The following PTPN4 variants were observed in gnomAD, a reference collection of about 807,000 sequenced individuals.
PTPN4 encodes the protein tyrosine-protein phosphatase non-receptor type 4.
Under a neutral mutation model 135.5 loss-of-function variants are expected in PTPN4, and 49 were observed. The observed-to-expected ratio is 0.36, with a 90% CI of 0.29 to 0.46. PTPN4 has a LOEUF of 0.46. PTPN4 is among the 20% of genes least tolerant of loss of function. The probability of loss-of-function intolerance (pLI) is 1.00; values close to 1 mark genes in which losing one functional copy is unlikely to be tolerated. For synonymous variants in PTPN4, 333 were observed against 369.9 expected, an observed-to-expected ratio of 0.90 and a Z score of 1.14; for missense variants, 860 against 1,101.0, an observed-to-expected ratio of 0.78 and a Z score of 3.10.
chr2:119,939,170 G>A (rs1285090698), intron 15 of PTPN4, among the ~76,000 whole-genome samples: 1 of 152,156 alleles, frequency 6.6e-6, no homozygotes, highest in African/African-American at 2.4e-5. Flanking sequence ...ATTATCAACA[G>A]TTTGTCTGGA....
chr2:119,894,537 TACAA>T (rs1016837641), intron 9 of PTPN4, among the ~76,000 whole-genome samples: 9 of 152,234 alleles, frequency 5.9e-5, no homozygotes, highest in Non-Finnish European at 2.9e-5. Context: ...ATATAAAGCA[TACAA>T]ACATTTTTTT....
chr2:119,958,931 T>G (rs1367737907), intron 22 of PTPN4, among the ~76,000 whole-genome samples: 3 of 152,150 alleles, frequency 2.0e-5, no homozygotes, highest in Non-Finnish European at 4.4e-5. Context: ...GGGTCAGTTT[T>G]AAACAGCAAA....
At chr2:119,820,850 T>C (rs1483309128) in intron 2 of PTPN4, among the ~76,000 whole-genome samples, 2 of 131,068 alleles carry the variant, frequency 1.5e-5, no homozygotes, top group African/African-American at 5.7e-5. Context: ...ATGTATACTT[T>C]ACATATATAT....
chr2:119,838,940 T>G (rs975987819), intron 2 of PTPN4, among the ~76,000 whole-genome samples: 2 of 152,224 alleles, frequency 1.3e-5, no homozygotes, highest in African/African-American at 2.4e-5. Context: ...CAATTACATT[T>G]ATCTCTCTTT....
chr2:119,787,408 ATTC>A (rs1279940101), intron 1 of PTPN4, among the ~76,000 whole-genome samples: 5 of 152,186 alleles, frequency 3.3e-5, no homozygotes, highest in African/African-American at 1.2e-4. Context: ...TTTAAGTAGT[ATTC>A]TTATTAATAT....
intron 13 of PTPN4, among the ~76,000 whole-genome samples, chr2:119,931,538 A>G (rs1678908052): frequency 6.9e-6 from 1 of 144,210 alleles, no homozygotes; most frequent in South Asian, 2.1e-4. Context: ...AAATTCCTGG[A>G]CTCAAGTTGA....
At chr2:119,835,756 A>T (rs1481993717) in intron 2 of PTPN4, among the ~76,000 whole-genome samples, 1 of 152,060 alleles carries the variant, frequency 6.6e-6, no homozygotes, top group Non-Finnish European at 1.5e-5. Flanking sequence ...GTCCATCTTC[A>T]GGAGAGCATC....
chr2:119,933,002 A>G (rs970097564), intron 14 of PTPN4, among the ~76,000 whole-genome samples: 1 of 152,168 alleles, frequency 6.6e-6, no homozygotes, highest in African/African-American at 2.4e-5. Flanking sequence ...TCTATGGCCT[A>G]GGAAAAGGGG....
chr2:119,858,811 T>G (rs112742773), intron 2 of PTPN4, among the ~76,000 whole-genome samples: 2 of 152,132 alleles, frequency 1.3e-5, no homozygotes, highest in African/African-American at 4.8e-5. Context: ...TTTTTATATT[T>G]TTTTAGTAGA....
intron 15 of PTPN4, among the ~76,000 whole-genome samples, chr2:119,944,798 AT>A (rs142868164): frequency 0.021 from 3,158 of 152,218 alleles, 60 homozygotes; most frequent in Non-Finnish European, 0.033. Flanking sequence ...CCTTAAAAAA[AT>A]TTTTTTGGAA....
At chr2:119,876,943 G>GCA (rs1162990252) in intron 3 of PTPN4, among the ~76,000 whole-genome samples, 9 of 149,980 alleles carry the variant, frequency 6.0e-5, no homozygotes, top group African/African-American at 1.7e-4. Context: ...GTGTGTGTGC[G>GCA]TGAAGGGTGA....
intron 1 of PTPN4, among the ~76,000 whole-genome samples, chr2:119,785,355 ACTC>A (rs1211728277): frequency 1.3e-5 from 2 of 151,746 alleles, no homozygotes; most frequent in East Asian, 3.9e-4. Context: ...TTTTTTAAAA[ACTC>A]CTCAAGTGAT....
chr2:119,958,126 A>G (rs1679314671), intron 22 of PTPN4, among the ~76,000 whole-genome samples: 1 of 152,076 alleles, frequency 6.6e-6, no homozygotes, highest in African/African-American at 2.4e-5. Flanking sequence ...AAGAAAAGTA[A>G]GCCTCGGCAA....
In PTPN4 at chr2:119,814,412, G is replaced by A. The variant is rs541613842; in HGVS notation, c.138+4421G>A. Among the ~76,000 whole-genome samples the A allele has an allele frequency of 2.3e-4, 35 of 152,292 alleles. 1 individual carries two copies. The highest frequency in any genetic ancestry group is 1.7e-3 in the Admixed American group (26 of 15,294). On this transcript the variant is annotated intron_variant, in intron 2 of 26. Coordinates refer to ENST00000263708, the MANE Select transcript of PTPN4 (RefSeq NM_002830.4). ...TCTCCAGTTCCTATGGTGATTGGCTGTAGGGGAGGGGAAGTGAGAGAAGTC... is the reference window on the plus strand; with the variant it reads ...TCTCCAGTTCCTATGGTGATTGGCTATAGGGGAGGGGAAGTGAGAGAAGTC...
intron 1 of PTPN4, among the ~76,000 whole-genome samples, chr2:119,769,785 C>T (rs1051331838): frequency 5.3e-5 from 8 of 152,194 alleles, no homozygotes; most frequent in Non-Finnish European, 8.8e-5. Flanking sequence ...ATTAGCAACA[C>T]CTACTATCAA....
At position 119,870,128 on chromosome 2, in the gene PTPN4, T is replaced by G. The variant is rs138880526; in HGVS notation, c.247-7195T>G. 1.2e-3 allele frequency among the ~76,000 whole-genome samples: 186 copies of G among 152,318 alleles called. 1 individual carries two copies. Among genetic ancestry groups the G allele is most frequent in the African/African-American group, 4.2e-3 (174 of 41,568 alleles). On this transcript the variant is annotated intron_variant, in intron 3 of 26. Coordinates refer to ENST00000263708, the MANE Select transcript of PTPN4 (RefSeq NM_002830.4). The stretch of plus-strand genomic sequence containing the variant: ...TGATTATCCACCTTGAAAGCTCAAA[T>G]GAATCATTTGGAAAACTATTATAAC...
intron 26 of PTPN4, among the ~76,000 whole-genome samples, chr2:119,971,315 G>A (rs958967117): frequency 1.1e-4 from 16 of 152,122 alleles, no homozygotes; most frequent in African/African-American, 3.6e-4. Context: ...ACAGAAAGGG[G>A]GAGGTCTGCC....
chr2:119,963,840 A>G (rs1574423860), intron 24 of PTPN4, among the ~76,000 whole-genome samples: 1 of 152,208 alleles, frequency 6.6e-6, no homozygotes, highest in Admixed American at 6.5e-5. Context: ...GTATGTTTAT[A>G]TAAAATAATG....
chr2:119,885,828 C>T lies in PTPN4; in HGVS notation c.621C>T (p.Tyr207=). The T allele has an allele frequency of 6.2e-7, 1 of 1,604,136 alleles. No individual in the cohort carries two copies. Among genetic ancestry groups the T allele is most frequent in the Non-Finnish European group, 8.5e-7 (1 of 1,176,424 alleles). The change falls in exon 9 of 27, where the codon TAC becomes TAT. Residue 207 remains tyrosine, a synonymous_variant. Transcript: ENST00000263708. ...CTCCTGCAGAAGCAGAATTTAATTA[C>T]CTAAACACAGCACGTACCTTAGAAC... ...GLSPAEAEFN[Y]LNTARTLELY...
Sources: allele counts gnomAD v4.1 joint callset (sites outside exome capture counted in the v4.1 genomes callset), GRCh38; gene constraint gnomAD v4.1.1; transcripts MANE v1.5; gene names NCBI Gene and HGNC (gene_info 2026-07-23, HGNC 2026-07-21).